The following GREB1 variants were observed in gnomAD, a reference collection of about 807,000 sequenced individuals.
The protein encoded by GREB1 is protein GREB1.
GREB1 carries 106 observed loss-of-function variants against 200.7 expected under a neutral mutation model. The ratio of observed to expected loss-of-function variants is 0.53; its 90% confidence interval spans 0.45 to 0.62. The LOEUF (loss-of-function observed/expected upper bound fraction) is 0.62, where lower values mean the gene tolerates loss of function less well. GREB1 is among the 20% of genes least tolerant of loss of function. The pLI is 0.00. For missense variants in GREB1, 2,243 were observed against 2,556.8 expected, an observed-to-expected ratio of 0.88 and a Z score of 2.65; for synonymous variants, 1,132 against 1,092.4, an observed-to-expected ratio of 1.04 and a Z score of -0.72.
intron 8 of GREB1, 125 bp from the exon 9 acceptor site, chr2:11,585,637 T>G: frequency 1.0e-6 from 1 of 983,354 alleles, no homozygotes; most frequent in Non-Finnish European, 1.5e-6. Flanking sequence ...CTCTAAGAGT[T>G]TGGTGCTCCT....
intron 23 of GREB1, among the ~76,000 whole-genome samples, chr2:11,621,722 G>GT (rs1684029916): frequency 6.6e-6 from 1 of 152,202 alleles, no homozygotes; most frequent in Non-Finnish European, 1.5e-5. Context: ...AGCTGCACCA[G>GT]TGTCTGAAGG....
intron 1 of GREB1, among the ~76,000 whole-genome samples, chr2:11,514,388 C>G (rs1000012058): frequency 2.6e-5 from 4 of 152,232 alleles, no homozygotes; most frequent in Non-Finnish European, 5.9e-5. Flanking sequence ...GTTGGAGACT[C>G]TGACTCCAGA....
At chr2:11,560,518 T>C (rs1442011866) in intron 2 of GREB1, among the ~76,000 whole-genome samples, 1 of 152,054 alleles carries the variant, frequency 6.6e-6, no homozygotes, top group Non-Finnish European at 1.5e-5. Context: ...CTGGCCAACA[T>C]GGTGAAACCC....
intron 1 of GREB1, among the ~76,000 whole-genome samples, chr2:11,509,606 G>A (rs929293997): frequency 6.6e-6 from 1 of 152,154 alleles, no homozygotes; most frequent in Non-Finnish European, 1.5e-5. Flanking sequence ...TTTATATGTT[G>A]GAGCCTAATC....
chr2:11,498,459 A>T (rs1672946414), intron 1 of GREB1, among the ~76,000 whole-genome samples: 1 of 152,240 alleles, frequency 6.6e-6, no homozygotes, highest in Non-Finnish European at 1.5e-5. Flanking sequence ...ATAGGGACAC[A>T]ACAGTACCTA....
rs766252904 is a variant in GREB1, at chr2:11,618,487, C to T, written c.3612C>T (p.Leu1204=). The change falls in exon 22 of 33, where the codon CTC becomes CTT. Residue 1204 remains leucine, a synonymous_variant. Transcript: ENST00000381486. The stretch of plus-strand genomic sequence containing the variant: ...CGACGCCCCAGCCCGACTGTAGCCT[C>T]AGGACCGGCCAGAGGAGCGTCCAGG... ...PGPTPQPDCS[L]RTGQRSVQVS... is the part of the protein sequence containing the mutation. 4.9e-5 allele frequency: 79 copies of T among 1,609,654 alleles called. No individual in the cohort carries two copies. The highest frequency in any genetic ancestry group is 6.5e-5 in the Non-Finnish European group (77 of 1,178,752).
intron 1 of GREB1, among the ~76,000 whole-genome samples, chr2:11,489,657 T>C (rs1352790958): frequency 6.6e-6 from 1 of 152,216 alleles, no homozygotes; most frequent in African/African-American, 2.4e-5. Flanking sequence ...AAGGGACTCA[T>C]GCGTGTAAGA....
upstream of GREB1, among the ~76,000 whole-genome samples, chr2:11,532,235 C>G (rs979759917): frequency 6.6e-6 from 1 of 152,188 alleles, no homozygotes; most frequent in Admixed American, 6.5e-5. Flanking sequence ...AGTCAACACT[C>G]TCATGGCACT....
chr2:11,569,636 T>C (rs893547250), intron 4 of GREB1, among the ~76,000 whole-genome samples: 24 of 152,236 alleles, frequency 1.6e-4, no homozygotes, highest in Non-Finnish European at 3.1e-4. Flanking sequence ...CGAAATAAGT[T>C]AAAATAGCCA....
intron 1 of GREB1, among the ~76,000 whole-genome samples, chr2:11,528,461 T>C (rs556787656): frequency 1.3e-5 from 2 of 152,340 alleles, no homozygotes; most frequent in East Asian, 1.9e-4. Flanking sequence ...GTGAGAGATT[T>C]GAGTCCCCTT....
At chr2:11,523,879 CAA>C (rs796158904) in intron 1 of GREB1, among the ~76,000 whole-genome samples, 16 of 152,302 alleles carry the variant, frequency 1.1e-4, no homozygotes, top group African/African-American at 3.8e-4. Flanking sequence ...TAGATTGGTT[CAA>C]AGTGTCTGGC....
intron 17 of GREB1, among the ~76,000 whole-genome samples, chr2:11,606,363 T>C (rs528048839): frequency 1.4e-4 from 22 of 152,362 alleles, no homozygotes; most frequent in African/African-American, 5.3e-4. Context: ...TTTTAAATTT[T>C]ATTCATTCTA....
intron 4 of GREB1, among the ~76,000 whole-genome samples, chr2:11,574,936 C>A (rs762148103): frequency 1.3e-5 from 2 of 152,210 alleles, no homozygotes; most frequent in African/African-American, 2.4e-5. Flanking sequence ...TGTCCTATGG[C>A]GAGGCCAAGA....
At chr2:11,607,519 C>CAT (rs201035342) in intron 17 of GREB1, among the ~76,000 whole-genome samples, 2 of 115,176 alleles carry the variant, frequency 1.7e-5, no homozygotes, top group Admixed American at 8.5e-5. Flanking sequence ...TATGTACATA[C>CAT]ATATATATAC....
intron 1 of GREB1, among the ~76,000 whole-genome samples, chr2:11,482,902 C>T (rs973765131): frequency 1.3e-5 from 2 of 151,316 alleles, no homozygotes; most frequent in South Asian, 2.1e-4. Context: ...GCTGGGCTAG[C>T]CTCCGTCGGC....
intron 17 of GREB1, 102 bp from the exon 18 acceptor site, chr2:11,610,586 C>A: frequency 1.2e-6 from 1 of 836,698 alleles, no homozygotes; most frequent in Non-Finnish European, 1.9e-6. Context: ...CGTATAATGC[C>A]GGAGTTGCCT....
At chr2:11,504,529 C>T (rs190106248) in intron 1 of GREB1, among the ~76,000 whole-genome samples, 18 of 152,290 alleles carry the variant, frequency 1.2e-4, no homozygotes, top group East Asian at 5.8e-4. Flanking sequence ...CATCTATGAG[C>T]GAGTAGTCTC....
intron 19 of GREB1, among the ~76,000 whole-genome samples, chr2:11,613,458 A>G (rs1284288971): frequency 3.3e-5 from 5 of 152,180 alleles, no homozygotes; most frequent in African/African-American, 1.2e-4. Flanking sequence ...GAAAGGTGCT[A>G]TTTCAGTAGT....
chr2:11,500,597 C>T (rs778043225), intron 1 of GREB1, among the ~76,000 whole-genome samples: 8 of 152,140 alleles, frequency 5.3e-5, no homozygotes, highest in Non-Finnish European at 8.8e-5. Context: ...ATTGGGCTGG[C>T]CCCAATTAGT....
Sources: gnomAD v4.1 joint callset for allele counts (sites outside exome capture counted in the v4.1 genomes callset) on GRCh38, gnomAD v4.1.1 for gene constraint, MANE v1.5 for transcripts, NCBI Gene and HGNC (gene_info 2026-07-23, HGNC 2026-07-21) for gene names.